The following UBE4B variants were observed in gnomAD, a reference collection of about 807,000 sequenced individuals.
UBE4B encodes the protein ubiquitination factor E4B, also known as ubiquitin conjugation factor E4 B.
UBE4B carries 27 observed loss-of-function variants against 148.1 expected under a neutral mutation model. The ratio of observed to expected loss-of-function variants is 0.18; its 90% CI spans 0.13 to 0.25. The LOEUF (loss-of-function observed/expected upper bound fraction) is 0.25, where lower values mean the gene tolerates loss of function less well. UBE4B is among the 10% of genes least tolerant of loss of function. The probability of loss-of-function intolerance (pLI) is 1.00; values close to 1 mark genes in which losing one functional copy is unlikely to be tolerated. For missense variants in UBE4B, 1,170 were observed against 1,662.4 expected (o/e 0.70, Z 5.15); for synonymous variants, 596 against 619.3 (o/e 0.96, Z 0.56).
At chr1:10,145,199 A>G (rs943941595) in intron 18 of UBE4B, 160 bp downstream of exon 18, 1 of 530,032 alleles carries the variant, frequency 1.9e-6, no homozygotes, top group Non-Finnish European at 3.4e-6. Flanking sequence ...TTGATACCTT[A>G]CTTATATGTG....
chr1:10,145,779 C>T (rs1044838128), intron 18 of UBE4B, among the ~76,000 whole-genome samples: 1 of 152,134 alleles, frequency 6.6e-6, no homozygotes, highest in African/African-American at 2.4e-5. Context: ...TCCTTTGCCC[C>T]TCATTCTTTC....
intron 14 of UBE4B, among the ~76,000 whole-genome samples, chr1:10,131,539 A>G (rs1348262365): frequency 6.6e-6 from 1 of 151,828 alleles, no homozygotes; most frequent in African/African-American, 2.4e-5. Flanking sequence ...GGTAATTTTG[A>G]TCATGGGAAA....
At chr1:10,037,578 G>A (rs556145823) in intron 1 of UBE4B, among the ~76,000 whole-genome samples, 83 of 151,940 alleles carry the variant, frequency 5.5e-4, no homozygotes, top group African/African-American at 1.9e-3. Context: ...TTATTTTTGA[G>A]ATAGGGTCTG....
At chr1:10,098,990 C>T (rs950033800) in intron 3 of UBE4B, among the ~76,000 whole-genome samples, 1 of 152,134 alleles carries the variant, frequency 6.6e-6, no homozygotes, top group Non-Finnish European at 1.5e-5. Flanking sequence ...GTAATCCCAG[C>T]ACTTTTGGGA....
At chr1:10,056,077 A>C (rs1008580557) in intron 1 of UBE4B, among the ~76,000 whole-genome samples, 7 of 152,250 alleles carry the variant, frequency 4.6e-5, no homozygotes, top group Non-Finnish European at 1.0e-4. Context: ...TATAAAGGGC[A>C]TAAAGTTTCT....
intron 1 of UBE4B, among the ~76,000 whole-genome samples, chr1:10,063,570 C>G (rs1644328326): frequency 6.6e-6 from 1 of 152,108 alleles, no homozygotes; most frequent in African/African-American, 2.4e-5. Context: ...TGGCCTGCCT[C>G]CATTCGTTCT....
intron 20 of UBE4B, among the ~76,000 whole-genome samples, chr1:10,150,961 A>T (rs1391395495): frequency 1.3e-5 from 2 of 150,684 alleles, no homozygotes; most frequent in African/African-American, 2.5e-5. Flanking sequence ...GGAGATCGAG[A>T]CCATCCTGGC....
chr1:10,138,951 T>C (rs1167671310), intron 17 of UBE4B, among the ~76,000 whole-genome samples: 2 of 152,246 alleles, frequency 1.3e-5, no homozygotes, highest in African/African-American at 4.8e-5. Flanking sequence ...ACTTAACTTT[T>C]ATATTAATGT....
intron 3 of UBE4B, among the ~76,000 whole-genome samples, chr1:10,096,506 T>G (rs1268692528): frequency 4.0e-5 from 6 of 151,382 alleles, no homozygotes; most frequent in Non-Finnish European, 7.4e-5. Flanking sequence ...CCGAGGCAGG[T>G]GGATCACTTG....
chr1:10,066,096 C>G (rs914468888), intron 1 of UBE4B, among the ~76,000 whole-genome samples: 2 of 147,160 alleles, frequency 1.4e-5, no homozygotes, highest in Non-Finnish European at 3.0e-5. Context: ...TACCTCCCTC[C>G]CTTTGTACCT....
intron 10 of UBE4B, among the ~76,000 whole-genome samples, chr1:10,126,029 G>A (rs773871405): frequency 2.0e-5 from 3 of 152,184 alleles, no homozygotes; most frequent in Admixed American, 1.3e-4. Context: ...GGCCAAGCGC[G>A]GTAGCTCATG....
intron 27 of UBE4B, 140 bp from the exon 28 acceptor site, chr1:10,179,755 T>C: frequency 2.2e-6 from 3 of 1,341,400 alleles, no homozygotes; most frequent in South Asian, 1.3e-5. Context: ...CTCCCTCTCA[T>C]GTCCCAGTCC....
intron 15 of UBE4B, among the ~76,000 whole-genome samples, chr1:10,133,203 A>C (rs886670984): frequency 6.6e-6 from 1 of 152,194 alleles, no homozygotes; most frequent in Non-Finnish European, 1.5e-5. Context: ...TTCCTTGACT[A>C]GTAATAAATA....
chr1:10,121,091 G>A (rs935993283), intron 9 of UBE4B, among the ~76,000 whole-genome samples: 11 of 152,046 alleles, frequency 7.2e-5, no homozygotes, highest in Admixed American at 1.3e-4. Flanking sequence ...ACGGCCAGGC[G>A]TGGTGGCTTA....
chr1:10,078,794 G>C (rs764523241), intron 2 of UBE4B, among the ~76,000 whole-genome samples: 3 of 152,032 alleles, frequency 2.0e-5, no homozygotes, highest in African/African-American at 4.8e-5. Context: ...TCTTCCAGTG[G>C]AATAGGTCTG....
intron 14 of UBE4B, among the ~76,000 whole-genome samples, chr1:10,131,735 G>C (rs942465192): frequency 2.6e-5 from 4 of 152,000 alleles, no homozygotes; most frequent in Non-Finnish European, 5.9e-5. Flanking sequence ...GGTGGATCAC[G>C]AGGTCAGCAG....
chr1:10,180,040 C>G lies in UBE4B; in HGVS notation c.*84C>G, dbSNP rs144033579. 1.9e-4 allele frequency: 297 copies of G among 1,582,020 alleles called. 1 individual carries two copies. In the African/African-American group the frequency reaches 3.2e-3, roughly 17 times the overall value. On this transcript the variant is annotated 3_prime_UTR_variant, in exon 28 of 28. Coordinates refer to ENST00000343090, the MANE Select transcript of UBE4B (RefSeq NM_001105562.3). ...CAGCGGCCGCAGCGAAGCTGCCGTT[C>G]ATGTGTTGGAGGCCAAATGTGGCAA...
At chr1:10,105,855 T>C in intron 6 of UBE4B, 111 bp downstream of exon 6, 6 of 1,079,030 alleles carry the variant, frequency 5.6e-6, no homozygotes, top group Non-Finnish European at 7.9e-6. Context: ...GGGTATGGCA[T>C]ATATCATATT....
At chr1:10,153,993 A>C (rs897931826) in intron 21 of UBE4B, among the ~76,000 whole-genome samples, 3 of 152,172 alleles carry the variant, frequency 2.0e-5, no homozygotes, top group Admixed American at 6.5e-5. Flanking sequence ...GAGGCAGGAG[A>C]ATCACTTGAA....
Sources: gnomAD v4.1 joint callset for allele counts (sites outside exome capture counted in the v4.1 genomes callset) on GRCh38, gnomAD v4.1.1 for gene constraint, MANE v1.5 for transcripts, NCBI Gene and HGNC (gene_info 2026-07-23, HGNC 2026-07-21) for gene names.